The following KLHL29 variants were observed in gnomAD, a reference collection of about 807,000 sequenced individuals.
KLHL29 encodes the protein kelch like family member 29.
In KLHL29, 21 loss-of-function variants were observed where a neutral mutation model predicts 80.4. The observed-to-expected ratio is 0.26, with a 90% CI of 0.19 to 0.38. The LOEUF is 0.38. Ranked by LOEUF, KLHL29 falls within the 10% of genes least tolerant of loss-of-function variation. The pLI, the probability that KLHL29 is intolerant of heterozygous loss-of-function variation, is 1.00. For synonymous variants in KLHL29, 511 were observed against 526.8 expected (o/e 0.97, Z 0.41); for missense variants, 867 against 1,223.9 (o/e 0.71, Z 4.35).
Position 23,467,131 on chromosome 2 carries a change from A to G in KLHL29, c.-153-8429A>G, listed in dbSNP as rs116565086. On this transcript the variant is annotated intron_variant, in intron 1 of 13. Transcript: ENST00000486442. The stretch of plus-strand genomic sequence containing the variant: ...TGACCCTGCCTGGATCCAGACATCA[A>G]TTCGTGCCAGGCTGTGGCTCCATGA... Among the ~76,000 whole-genome samples the G allele has an allele frequency of 1.3e-3, 205 of 152,246 alleles. 2 individuals are homozygous for G. Among genetic ancestry groups the G allele is most frequent in the African/African-American group, 4.0e-3 (168 of 41,552 alleles).
intron 1 of KLHL29, among the ~76,000 whole-genome samples, chr2:23,439,591 C>G (rs186055019): frequency 2.6e-4 from 39 of 152,210 alleles, no homozygotes; most frequent in Admixed American, 5.9e-4. Context: ...TCAGGAGCAG[C>G]TTGTTCAGTT....
intron 5 of KLHL29, among the ~76,000 whole-genome samples, chr2:23,671,332 C>G (rs946565568): frequency 6.6e-6 from 1 of 152,016 alleles, no homozygotes; most frequent in East Asian, 1.9e-4. Context: ...GCCCAGTTCT[C>G]TCTGCGTCTC....
chr2:23,645,204 T>G (rs1669887000), intron 5 of KLHL29, among the ~76,000 whole-genome samples: 1 of 152,262 alleles, frequency 6.6e-6, no homozygotes, highest in African/African-American at 2.4e-5. Context: ...TCAGATCTAA[T>G]GTCAAACAAC....
At chr2:23,396,883 CCT>C (rs1447445950) in intron 1 of KLHL29, among the ~76,000 whole-genome samples, 9 of 152,276 alleles carry the variant, frequency 5.9e-5, no homozygotes, top group Admixed American at 2.6e-4. Context: ...TTTAAAATTT[CCT>C]CTCTTTCCCC....
At position 23,562,196 on chromosome 2, in the gene KLHL29, G is replaced by T; in HGVS notation, c.-1G>T. Reference sequence around the variant, plus strand: ...GTGAGAAGCCGCCTCGGCCCACCGAGATGTCCCGGCACCATAGCCGCTTCG... The same window carrying T: ...GTGAGAAGCCGCCTCGGCCCACCGATATGTCCCGGCACCATAGCCGCTTCG... On this transcript the variant is annotated 5_prime_UTR_variant, in exon 3 of 14. Transcript: ENST00000486442. The surrounding 1 kb of genome is among the most constrained non-coding windows in gnomAD (Gnocchi z 4.5). 6.4e-7 allele frequency: 1 copy of T among 1,550,528 alleles called. No homozygotes were observed. Among genetic ancestry groups the T allele is most frequent in the Non-Finnish European group, 8.7e-7 (1 of 1,146,986 alleles).
At chr2:23,389,008 TTA>T (rs137906576) in intron 1 of KLHL29, among the ~76,000 whole-genome samples, 25,761 of 126,484 alleles carry the variant, frequency 0.2, 2,947 homozygotes, top group South Asian at 0.33. Flanking sequence ...TTTTTTTTTT[TTA>T]AAATCCCAGT....
At chr2:23,527,407 GC>G (rs1301740925) in intron 2 of KLHL29, among the ~76,000 whole-genome samples, 2 of 152,338 alleles carry the variant, frequency 1.3e-5, no homozygotes, top group African/African-American at 4.8e-5. Context: ...CCCAGCAAAA[GC>G]CCCGCCATGC....
chr2:23,507,001 T>C (rs764780621), intron 2 of KLHL29: 2 of 309,774 alleles, frequency 6.5e-6, no homozygotes, highest in Non-Finnish European at 1.5e-5. Context: ...TCAGAGCCTT[T>C]AGAGTCTTTT....
At chr2:23,396,335 A>G (rs1427180746) in intron 1 of KLHL29, among the ~76,000 whole-genome samples, 2 of 152,062 alleles carry the variant, frequency 1.3e-5, no homozygotes, top group African/African-American at 2.4e-5. Flanking sequence ...ACCCACATAC[A>G]TCCTGAGGCC....
At chr2:23,468,431 G>C (rs534383001) in intron 1 of KLHL29, among the ~76,000 whole-genome samples, 48 of 152,272 alleles carry the variant, frequency 3.2e-4, no homozygotes, top group Admixed American at 8.5e-4. Flanking sequence ...AGCAAATCAC[G>C]AAGTCTAATA....
chr2:23,696,377 A>G lies in KLHL29; in HGVS notation c.1969A>G (p.Met657Val). 1.3e-6 allele frequency: 2 copies of G among 1,551,596 alleles called. No homozygotes were observed. Among genetic ancestry groups the G allele is most frequent in the Non-Finnish European group, 8.7e-7 (1 of 1,146,964 alleles). ...GACGCTGGCTGATGTCTGGTGCTACATGTCCCTGCTTGATAACTGGAACCT... is the reference window on the plus strand; with the variant it reads ...GACGCTGGCTGATGTCTGGTGCTACGTGTCCCTGCTTGATAACTGGAACCT... ...GVTLADVWCY[M>V]SLLDNWNLVS... Residue 657 changes from methionine to valine, a missense_variant, in exon 11 of 14, where the codon ATG (methionine) becomes GTG (valine). This residue lies in a region of KLHL29 where 443 missense variants were observed against 767.0 expected (regional missense o/e 0.58). Transcript: ENST00000486442. This position sits in a 1 kb window ranked among gnomAD's most constrained non-coding sequence, Gnocchi z 5.5.
intron 1 of KLHL29, among the ~76,000 whole-genome samples, chr2:23,422,692 C>G (rs1170534190): frequency 6.7e-6 from 1 of 149,626 alleles, no homozygotes; most frequent in African/African-American, 2.5e-5. Flanking sequence ...GTGTGTATGT[C>G]TGGGTGTCAT....
intron 3 of KLHL29, among the ~76,000 whole-genome samples, chr2:23,584,057 A>C (rs978619281): frequency 1.3e-5 from 2 of 152,148 alleles, no homozygotes; most frequent in Non-Finnish European, 1.5e-5. Context: ...TTCTAGAGAC[A>C]GAAGGGCTCC....
chr2:23,517,069 C>G (rs1048139350), intron 2 of KLHL29, among the ~76,000 whole-genome samples: 4 of 152,158 alleles, frequency 2.6e-5, no homozygotes, highest in Non-Finnish European at 5.9e-5. Flanking sequence ...TGGTGCGGAG[C>G]CTGCAAAGTC....
chr2:23,586,362 CTTTTTTTTTTT>C (rs778067234), intron 3 of KLHL29, among the ~76,000 whole-genome samples: 5 of 96,990 alleles, frequency 5.2e-5, no homozygotes, highest in African/African-American at 1.8e-4. Context: ...AAAAGCATTA[CTTTTTTTTTTT>C]TTTTTTTTTT....
Position 23,613,713 on chromosome 2 carries a change from G to A in KLHL29, c.286-25426G>A, listed in dbSNP as rs112227297. Among the ~76,000 whole-genome samples, 428 of 135,872 alleles carry A rather than the reference G, an allele frequency of 3.2e-3. 1 individual carries two copies. The highest frequency in any genetic ancestry group is 4.4e-3 in the Non-Finnish European group (290 of 66,044). The allele number at this position is 135,872 out of a possible 152,430, so 89.1% of individuals were successfully genotyped here. A position where few individuals can be genotyped will look rare whatever the true frequency, so the allele number is the denominator to read the frequency against. On this transcript the variant is annotated intron_variant, in intron 3 of 13. Transcript: ENST00000486442. ...CGGGAGGTGGAGGTTGCAGTGAGCC[G>A]AGATCGCGCCATTGCACTCCAGCCT...
intron 3 of KLHL29, among the ~76,000 whole-genome samples, chr2:23,606,974 G>A (rs116382847): frequency 1.3e-5 from 2 of 152,330 alleles, no homozygotes; most frequent in African/African-American, 2.4e-5. Context: ...CTGGCTCATG[G>A]ACAGCACCTT....
At chr2:23,408,433 C>T (rs1273955823) in intron 1 of KLHL29, among the ~76,000 whole-genome samples, 1 of 151,910 alleles carries the variant, frequency 6.6e-6, no homozygotes, top group African/African-American at 2.4e-5. Context: ...TACTCTTGCT[C>T]TCTCTGTGTT....
intron 2 of KLHL29, among the ~76,000 whole-genome samples, chr2:23,555,070 G>T (rs112709686): frequency 0.017 from 2,656 of 152,242 alleles, 42 homozygotes; most frequent in Non-Finnish European, 0.032. Flanking sequence ...CAGGCCCTGG[G>T]GCTAGTGACA....
Sources: allele counts gnomAD v4.1 joint callset (sites outside exome capture counted in the v4.1 genomes callset), GRCh38; gene constraint gnomAD v4.1.1; regional missense constraint gnomAD v4.1.1; non-coding constraint Gnocchi (gnomAD v3.1); transcripts MANE v1.5; gene names NCBI Gene and HGNC (gene_info 2026-07-23, HGNC 2026-07-21).